Variants in MYO5A observed in about 807,000 individuals in gnomAD.
MYO5A encodes the protein myosin VA, also known as unconventional myosin-Va.
Under a neutral mutation model 249.7 loss-of-function variants are expected in MYO5A, and 98 were observed. That is an observed-to-expected ratio of 0.39 (90% confidence interval 0.33 to 0.46). MYO5A has a LOEUF of 0.46. Ranked by LOEUF, MYO5A falls within the 20% of genes least tolerant of loss-of-function variation. The probability of loss-of-function intolerance (pLI) is 0.98; values close to 1 mark genes in which losing one functional copy is unlikely to be tolerated. For missense variants in MYO5A, 1,696 were observed against 2,308.8 expected (o/e 0.73, Z 5.44); for synonymous variants, 778 against 810.6 (o/e 0.96, Z 0.68).
chr15:52,401,103 C>T (rs953137873), intron 9 of MYO5A, among the ~76,000 whole-genome samples: 3 of 130,524 alleles, frequency 2.3e-5, no homozygotes, highest in Non-Finnish European at 4.6e-5. Flanking sequence ...GACAGTCTTG[C>T]TCTATCCTCC....
intron 1 of MYO5A, among the ~76,000 whole-genome samples, chr15:52,506,510 G>T (rs1380706223): frequency 1.3e-5 from 2 of 148,748 alleles, no homozygotes; most frequent in East Asian, 3.9e-4. Flanking sequence ...CTGGGCAACA[G>T]AGTGAGACCC....
intron 9 of MYO5A, among the ~76,000 whole-genome samples, chr15:52,400,021 A>G (rs2141196790): frequency 6.6e-6 from 1 of 152,290 alleles, no homozygotes; most frequent in African/African-American, 2.4e-5. Flanking sequence ...CCATGGTTAT[A>G]TCTGAATTTT....
At chr15:52,414,315 TA>T (rs1237756773) in intron 5 of MYO5A, among the ~76,000 whole-genome samples, 1 of 152,182 alleles carries the variant, frequency 6.6e-6, no homozygotes, top group Admixed American at 6.5e-5. Context: ...AACCATGAGC[TA>T]AATAAATCTC....
At chr15:52,383,685 C>G (rs1400407072) in intron 15 of MYO5A, among the ~76,000 whole-genome samples, 1 of 152,176 alleles carries the variant, frequency 6.6e-6, no homozygotes, top group African/African-American at 2.4e-5. Context: ...CTGTTTCTGT[C>G]TACACCAGGC....
intron 5 of MYO5A, among the ~76,000 whole-genome samples, chr15:52,413,147 C>CAAAAAAAAAAAAA (rs767059579): frequency 1.5e-5 from 1 of 66,164 alleles, no homozygotes; most frequent in Non-Finnish European, 3.0e-5. Flanking sequence ...AACTCTGTCT[C>CAAAAAAAAAAAAA]AAAAAAAAAA....
intron 1 of MYO5A, among the ~76,000 whole-genome samples, chr15:52,443,454 A>C (rs1376893527): frequency 6.6e-6 from 1 of 152,158 alleles, no homozygotes; most frequent in Non-Finnish European, 1.5e-5. Flanking sequence ...GTTTAAAAGT[A>C]AATCACGCTT....
intron 1 of MYO5A, among the ~76,000 whole-genome samples, chr15:52,477,673 T>A (rs747265931): frequency 1.3e-5 from 2 of 152,122 alleles, no homozygotes; most frequent in Non-Finnish European, 2.9e-5. Context: ...TTGCTGGAGG[T>A]CCACTCCAGA....
At chr15:52,479,463 A>G (rs1054386358) in intron 1 of MYO5A, among the ~76,000 whole-genome samples, 25 of 152,106 alleles carry the variant, frequency 1.6e-4, no homozygotes, top group Admixed American at 6.5e-4. Context: ...ATTTTCCAAT[A>G]TATTTATTTT....
At chr15:52,322,263 A>T (rs1356067027) in intron 37 of MYO5A, among the ~76,000 whole-genome samples, 2 of 152,220 alleles carry the variant, frequency 1.3e-5, no homozygotes, top group Non-Finnish European at 2.9e-5. Flanking sequence ...CCTCTGAGGG[A>T]TTCTGGTCTG....
At chr15:52,389,081 G>A (rs1190245655) in intron 13 of MYO5A, among the ~76,000 whole-genome samples, 157 bp downstream of exon 13, 2 of 151,948 alleles carry the variant, frequency 1.3e-5, no homozygotes, top group African/African-American at 4.8e-5. Flanking sequence ...TTAGGTTAAA[G>A]GAAGAGAAAA....
chr15:52,384,330 A>G lies in MYO5A; in HGVS notation c.1753-8T>C. The G allele has an allele frequency of 1.2e-6, 2 of 1,613,894 alleles. No individual in the cohort carries two copies. The highest frequency in any genetic ancestry group is 1.7e-6 in the Non-Finnish European group (2 of 1,179,736). ...TTCTGGTAGCATCTTAAACTAAGTC[A>G]GAAACAATATAAAGAAATTACATTC... On this transcript the variant is annotated splice_polypyrimidine_tract_variant and splice_region_variant and intron_variant, in intron 14 of 41. Coordinates refer to ENST00000399233, the MANE Select transcript of MYO5A (RefSeq NM_001382347.1).
At chr15:52,396,759 T>G (rs528483862) in intron 10 of MYO5A, among the ~76,000 whole-genome samples, 1 of 152,054 alleles carries the variant, frequency 6.6e-6, no homozygotes, top group Non-Finnish European at 1.5e-5. Flanking sequence ...TACACACATA[T>G]AGGAGGGAAA....
intron 1 of MYO5A, among the ~76,000 whole-genome samples, chr15:52,478,187 C>G (rs2141480184): frequency 6.6e-6 from 1 of 152,336 alleles, no homozygotes. Flanking sequence ...GAGCAAGGCT[C>G]TATGGGTGTG....
chr15:52,416,941 A>T (rs2043527078), intron 4 of MYO5A, among the ~76,000 whole-genome samples: 1 of 152,218 alleles, frequency 6.6e-6, no homozygotes, highest in African/African-American at 2.4e-5. Context: ...GTTTCTGCTT[A>T]CACATTCTTT....
At chr15:52,338,023 C>T (rs1437622958) in intron 32 of MYO5A, 139 bp from the exon 33 acceptor site, 5 of 588,322 alleles carry the variant, frequency 8.5e-6, no homozygotes, top group Non-Finnish European at 1.5e-5. Flanking sequence ...TGATTTGTCA[C>T]CTTCCATTAC....
chr15:52,427,845 G>T (rs1467653660), intron 3 of MYO5A, among the ~76,000 whole-genome samples: 3 of 152,090 alleles, frequency 2.0e-5, no homozygotes, highest in African/African-American at 7.2e-5. Context: ...AGCTGGAGAA[G>T]GGGGAAAGGA....
intron 22 of MYO5A, among the ~76,000 whole-genome samples, chr15:52,369,492 A>G (rs2040989252): frequency 6.6e-6 from 1 of 152,206 alleles, no homozygotes. Flanking sequence ...ACAAATTTGA[A>G]GCGTGCAAGT....
rs146093518 is a variant in MYO5A, at chr15:52,345,176, C to T, written c.3959+1185G>A. On this transcript the variant is annotated intron_variant, in intron 30 of 41. Coordinates refer to ENST00000399233, the MANE Select transcript of MYO5A (RefSeq NM_001382347.1). ...TTTGCATATAACCATGTACATCCTC[C>T]GTACACTTTAAATCATCTCTAGATT... 4.5e-4 allele frequency among the ~76,000 whole-genome samples: 69 copies of T among 152,178 alleles called. 1 individual carries two copies. In the East Asian group the frequency reaches 7.1e-3, roughly 16 times the overall value.
intron 34 of MYO5A, among the ~76,000 whole-genome samples, chr15:52,336,013 A>G (rs2039102394): frequency 6.6e-6 from 1 of 152,162 alleles, no homozygotes; most frequent in Non-Finnish European, 1.5e-5. Flanking sequence ...AGCTCATTCA[A>G]TCCTTATAAA....
Sources: allele counts gnomAD v4.1 joint callset (sites outside exome capture counted in the v4.1 genomes callset), GRCh38; gene constraint gnomAD v4.1.1; transcripts MANE v1.5; gene names NCBI Gene and HGNC (gene_info 2026-07-23, HGNC 2026-07-21).